LINGO2: variants seen among roughly 807,000 people sequenced by gnomAD.
LINGO2 encodes the protein leucine-rich repeat and immunoglobulin-like domain-containing nogo receptor-interacting protein 2.
In LINGO2, 14 loss-of-function variants were observed where a neutral mutation model predicts 30.6. The ratio of observed to expected loss-of-function variants is 0.46; its 90% CI spans 0.30 to 0.72. The LOEUF is 0.72. Ranked by LOEUF, LINGO2 falls within the 30% of genes least tolerant of loss-of-function variation. The probability of loss-of-function intolerance (pLI) is 0.07; values close to 1 mark genes in which losing one functional copy is unlikely to be tolerated. For synonymous variants in LINGO2, 317 were observed against 288.5 expected (o/e 1.10, Z -1.00); for missense variants, 729 against 751.7 (o/e 0.97, Z 0.35).
the LINGO2 span, among the ~76,000 whole-genome samples, chr9:28,896,175 T>G: frequency 6.6e-6 from 1 of 152,140 alleles, no homozygotes; most frequent in African/African-American, 2.4e-5. Flanking sequence ...AGCAAACATT[T>G]GCAAATTAAG....
intron 1 of LINGO2, among the ~76,000 whole-genome samples, chr9:28,532,987 A>C (rs960501466): frequency 6.6e-6 from 1 of 152,030 alleles, no homozygotes. Flanking sequence ...ACCGAGTGTC[A>C]ACTTGATTGG....
In LINGO2 at chr9:28,143,498, G is replaced by C. The variant is rs141801621; in HGVS notation, c.-86-131093C>G. The stretch of plus-strand genomic sequence containing the variant: ...TTTCAAGTAGCACAGGATCAGAACA[G>C]TACAATAAATTGAAAGGAGCAGGAA... On this transcript the variant is annotated intron_variant, in intron 4 of 5. Transcript: ENST00000379992. Among the ~76,000 whole-genome samples the C allele has an allele frequency of 7.1e-3, 1,074 of 152,222 alleles. 12 individuals are homozygous for C. The highest frequency in any genetic ancestry group is 0.022 in the African/African-American group (912 of 41,552).
chr9:28,196,949 T>C (rs555511899), intron 4 of LINGO2, among the ~76,000 whole-genome samples: 3 of 151,892 alleles, frequency 2.0e-5, no homozygotes, highest in African/African-American at 7.2e-5. Context: ...GGTACAAAAC[T>C]ACAGTCAGAA....
chr9:28,561,937 C>G (rs959691042), intron 1 of LINGO2, among the ~76,000 whole-genome samples: 6 of 151,358 alleles, frequency 4.0e-5, no homozygotes, highest in Admixed American at 6.6e-5. Context: ...CAGCTCTCTG[C>G]TTTTCAATTT....
chr9:28,879,042 C>A, the LINGO2 span, among the ~76,000 whole-genome samples: 1 of 152,282 alleles, frequency 6.6e-6, no homozygotes, highest in South Asian at 2.1e-4. Context: ...AAGAGGAAGT[C>A]AAATTGTCCC....
intron 5 of LINGO2, among the ~76,000 whole-genome samples, chr9:27,957,706 T>C (rs955765760): frequency 6.6e-6 from 1 of 152,356 alleles, no homozygotes; most frequent in Non-Finnish European, 1.5e-5. Context: ...TGAATTTCCA[T>C]ATAAATTTTA....
the LINGO2 span, among the ~76,000 whole-genome samples, chr9:29,207,900 T>G: frequency 6.6e-6 from 1 of 152,224 alleles, no homozygotes; most frequent in East Asian, 1.9e-4. Context: ...ATGGAGCTTT[T>G]AAAATTTTAT....
the LINGO2 span, among the ~76,000 whole-genome samples, chr9:29,167,879 C>T: frequency 6.6e-6 from 1 of 152,134 alleles, no homozygotes; most frequent in African/African-American, 2.4e-5. Context: ...GGCTTATGTA[C>T]CCTGTTACAT....
the LINGO2 span, among the ~76,000 whole-genome samples, chr9:29,059,574 C>A: frequency 8.9e-4 from 135 of 151,774 alleles, no homozygotes; most frequent in African/African-American, 3.2e-3. Flanking sequence ...ACATTAGACA[C>A]AAATATATCA....
the LINGO2 span, among the ~76,000 whole-genome samples, chr9:28,905,018 A>G: frequency 1.1e-4 from 16 of 152,062 alleles, no homozygotes; most frequent in Admixed American, 9.2e-4. Context: ...AAGAACACAC[A>G]ACGGGCAAAG....
chr9:28,034,595 A>G (rs868747586), intron 4 of LINGO2, among the ~76,000 whole-genome samples: 6 of 152,130 alleles, frequency 3.9e-5, no homozygotes, highest in Non-Finnish European at 7.4e-5. Context: ...AACGAGGATA[A>G]TATCTCTTGG....
At chr9:28,291,323 C>T (rs1222010812) in intron 4 of LINGO2, among the ~76,000 whole-genome samples, 2 of 152,136 alleles carry the variant, frequency 1.3e-5, no homozygotes, top group Admixed American at 6.5e-5. Flanking sequence ...AGAAAAAGAG[C>T]TGGGCCACTC....
the LINGO2 span, among the ~76,000 whole-genome samples, chr9:29,135,274 G>A: frequency 3.3e-5 from 5 of 152,046 alleles, no homozygotes; most frequent in African/African-American, 9.7e-5. Context: ...AATAGAGATT[G>A]TCAGGCCGGG....
chr9:29,199,541 C>A, the LINGO2 span, among the ~76,000 whole-genome samples: 4 of 152,076 alleles, frequency 2.6e-5, no homozygotes, highest in African/African-American at 9.7e-5. Flanking sequence ...CATCCTTGAA[C>A]AGGACAGAAA....
At chr9:29,165,009 G>T in the LINGO2 span, among the ~76,000 whole-genome samples, 11 of 151,998 alleles carry the variant, frequency 7.2e-5, no homozygotes, top group Admixed American at 7.2e-4. Flanking sequence ...TTAAGAAAAT[G>T]AAAATCTCTT....
intron 1 of LINGO2, among the ~76,000 whole-genome samples, chr9:28,640,074 T>C (rs1827497238): frequency 6.6e-6 from 1 of 152,144 alleles, no homozygotes; most frequent in South Asian, 2.1e-4. Flanking sequence ...TCTCCTTCAC[T>C]TATGAAGCTT....
the LINGO2 span, among the ~76,000 whole-genome samples, chr9:28,745,060 T>C: frequency 6.6e-6 from 1 of 152,180 alleles, no homozygotes; most frequent in Admixed American, 6.5e-5. Flanking sequence ...TAGACATGTA[T>C]GTTTATTTAT....
At chr9:28,650,632 G>A (rs1458254641) in intron 1 of LINGO2, among the ~76,000 whole-genome samples, 1 of 152,114 alleles carries the variant, frequency 6.6e-6, no homozygotes, top group Admixed American at 6.5e-5. Flanking sequence ...GTTTCCTGCT[G>A]ACATTTCTAT....
the LINGO2 span, among the ~76,000 whole-genome samples, chr9:28,742,541 C>G: frequency 6.6e-6 from 1 of 151,712 alleles, no homozygotes; most frequent in Admixed American, 6.6e-5. Context: ...ATTGAGTTCC[C>G]TGAAATGGAG....
Sources: gnomAD v4.1 joint callset for allele counts (sites outside exome capture counted in the v4.1 genomes callset) on GRCh38, gnomAD v4.1.1 for gene constraint, MANE v1.5 for transcripts, NCBI Gene and HGNC (gene_info 2026-07-23, HGNC 2026-07-21) for gene names.